BTG4: variants seen among roughly 807,000 people sequenced by gnomAD.
The protein encoded by BTG4 is protein BTG4.
BTG4 carries 10 observed loss-of-function variants against 19.3 expected under a neutral mutation model. The observed-to-expected ratio is 0.52, with a 90% CI of 0.32 to 0.88. The LOEUF (loss-of-function observed/expected upper bound fraction) is 0.88, where lower values mean the gene tolerates loss of function less well. Ranked by LOEUF, BTG4 falls within the 40% of genes least tolerant of loss-of-function variation. The probability of loss-of-function intolerance (pLI) is 0.04; values close to 1 mark genes in which losing one functional copy is unlikely to be tolerated. For missense variants in BTG4, 238 were observed against 281.9 expected (o/e 0.84, Z 1.11); for synonymous variants, 91 against 95.7 (o/e 0.95, Z 0.29).
At chr11:111,402,546 C>T in the BTG4 span, among the ~76,000 whole-genome samples, 3 of 152,170 alleles carry the variant, frequency 2.0e-5, no homozygotes, top group African/African-American at 7.2e-5. Flanking sequence ...CTGCTGTATC[C>T]TTGGCACCTA....
chr11:111,514,475 A>C, upstream of BTG4: 1 of 367,006 alleles, frequency 2.7e-6, no homozygotes, highest in Non-Finnish European at 5.1e-6. Flanking sequence ...TTCTGGGGGG[A>C]GGGGAGAGGA....
chr11:111,502,851 A>G (rs1017212661), intron 1 of BTG4, among the ~76,000 whole-genome samples: 3 of 152,252 alleles, frequency 2.0e-5, no homozygotes, highest in Non-Finnish European at 4.4e-5. Context: ...TGAATAGAAC[A>G]GTAGAATAAC....
downstream of BTG4, among the ~76,000 whole-genome samples, chr11:111,494,376 C>T (rs1865594449): frequency 6.6e-6 from 1 of 152,146 alleles, no homozygotes; most frequent in South Asian, 2.1e-4. Flanking sequence ...CAACTAGAGA[C>T]ACAGAATTTA....
the BTG4 span, among the ~76,000 whole-genome samples, chr11:111,433,402 C>G: frequency 1.3e-5 from 2 of 152,118 alleles, no homozygotes; most frequent in East Asian, 3.8e-4. Flanking sequence ...AAAAAATTAA[C>G]TCAAGATGGA....
At chr11:111,465,115 G>A (rs1009438616), downstream of BTG4, among the ~76,000 whole-genome samples, 2 of 152,192 alleles carry the variant, frequency 1.3e-5, no homozygotes, top group Non-Finnish European at 2.9e-5. Flanking sequence ...CCACTCCTTG[G>A]AATTGGAAGT....
chr11:111,442,384 C>G, the BTG4 span, among the ~76,000 whole-genome samples: 409 of 151,862 alleles, frequency 2.7e-3, 1 homozygote, highest in African/African-American at 9.3e-3. Context: ...AGCTGTAGTC[C>G]CAGCTACTCA....
At chr11:111,427,819 C>A in the BTG4 span, among the ~76,000 whole-genome samples, 1 of 152,164 alleles carries the variant, frequency 6.6e-6, no homozygotes, top group Admixed American at 6.5e-5. Flanking sequence ...ACTTTCTGCA[C>A]AGGCATTTGC....
the BTG4 span, among the ~76,000 whole-genome samples, chr11:111,406,716 T>C: frequency 6.6e-6 from 1 of 152,184 alleles, no homozygotes; most frequent in Non-Finnish European, 1.5e-5. Flanking sequence ...CTGGGGCTAT[T>C]AGCCACTGAA....
chr11:111,418,473 A>G, the BTG4 span, among the ~76,000 whole-genome samples: 1 of 152,170 alleles, frequency 6.6e-6, no homozygotes, highest in Non-Finnish European at 1.5e-5. Context: ...CCCCCTGCTG[A>G]GCACTATCAC....
chr11:111,453,663 A>G, the BTG4 span: 5 of 376,300 alleles, frequency 1.3e-5, no homozygotes, highest in Admixed American at 1.6e-4. Flanking sequence ...TCCATCTTCC[A>G]AGATTGCTCA....
chr11:111,495,217 T>C lies in BTG4; in HGVS notation c.608A>G (p.His203Arg), dbSNP rs888215078. ...GRVGLLGNTY[H>R]GSQKHPKCYR... ...ACACTTAGGATGCTTCTGCGAGCCA[T>C]GGTAAGTGTTTCCCAGGAGGCCAAC... The change falls in exon 5 of 5, where the codon CAT (histidine) becomes CGT (arginine). Residue 203 changes from histidine (H) to arginine (R), a missense_variant. Coordinates refer to ENST00000692032, the MANE Select transcript of BTG4 (RefSeq NM_001367975.1). 1.1e-5 allele frequency: 18 copies of C among 1,612,862 alleles called. No individual in the cohort carries two copies. Among genetic ancestry groups the C allele is most frequent in the Non-Finnish European group, 1.5e-5 (18 of 1,179,548 alleles).
At chr11:111,498,892 C>G (rs1865902699) in intron 1 of BTG4, 90 bp from the exon 2 acceptor site, 1 of 888,458 alleles carries the variant, frequency 1.1e-6, no homozygotes, top group Admixed American at 3.1e-5. Context: ...TTTTACATAC[C>G]TTAAAGTTAA....
chr11:111,509,001 G>C (rs979744549), intron 1 of BTG4, among the ~76,000 whole-genome samples: 4 of 152,020 alleles, frequency 2.6e-5, no homozygotes, highest in African/African-American at 9.7e-5. Context: ...TTTAATTATA[G>C]AGACTATTTT....
the BTG4 span, among the ~76,000 whole-genome samples, chr11:111,429,665 AAC>A: frequency 6.6e-6 from 1 of 152,218 alleles, no homozygotes; most frequent in South Asian, 2.1e-4. Context: ...AAAGGTAGTA[AAC>A]TCCCAAAACT....
downstream of BTG4, chr11:111,463,595 C>G (rs952842274): frequency 3.9e-5 from 6 of 152,498 alleles, no homozygotes; most frequent in African/African-American, 1.2e-4. Flanking sequence ...GCGTGTGTCC[C>G]CAGTAGGTTC....
chr11:111,400,004 C>T, the BTG4 span, among the ~76,000 whole-genome samples: 1 of 152,050 alleles, frequency 6.6e-6, no homozygotes, highest in Non-Finnish European at 1.5e-5. Flanking sequence ...CTGGAGAAAG[C>T]CGGGATGGGT....
the BTG4 span, chr11:111,451,139 G>A: frequency 4.3e-6 from 1 of 233,780 alleles, no homozygotes; most frequent in South Asian, 5.7e-5. Flanking sequence ...TGACCTGTGA[G>A]TGTCCAGAGA....
chr11:111,407,059 G>A, the BTG4 span, among the ~76,000 whole-genome samples: 1 of 151,758 alleles, frequency 6.6e-6, no homozygotes, highest in Non-Finnish European at 1.5e-5. Flanking sequence ...TGCATATAAA[G>A]CTCATAAAAC....
chr11:111,460,511 C>T, the BTG4 span: 1 of 152,158 alleles, frequency 6.6e-6, no homozygotes, highest in Admixed American at 6.6e-5. Flanking sequence ...ACTGGCTGGC[C>T]ATGGGTCCCA....
Sources: allele counts gnomAD v4.1 joint callset (sites outside exome capture counted in the v4.1 genomes callset), GRCh38; gene constraint gnomAD v4.1.1; transcripts MANE v1.5; gene names NCBI Gene and HGNC (gene_info 2026-07-23, HGNC 2026-07-21).